Variants in ANKS1B observed in about 807,000 individuals in gnomAD.
ANKS1B encodes ankyrin repeat and sterile alpha motif domain containing 1B, also known as ankyrin repeat and sterile alpha motif domain-containing protein 1B.
Under a neutral mutation model 148.3 loss-of-function variants are expected in ANKS1B, and 36 were observed. The ratio of observed to expected loss-of-function variants is 0.24; its 90% CI spans 0.19 to 0.32. ANKS1B has a LOEUF of 0.32. Ranked by LOEUF, ANKS1B falls within the 10% of genes least tolerant of loss-of-function variation. The probability of loss-of-function intolerance (pLI) is 1.00; values close to 1 mark genes in which losing one functional copy is unlikely to be tolerated. For missense variants in ANKS1B, 1,157 were observed against 1,542.6 expected (o/e 0.75, Z 4.19); for synonymous variants, 542 against 560.8 (o/e 0.97, Z 0.47).
intron 11 of ANKS1B, among the ~76,000 whole-genome samples, chr12:99,408,805 C>T (rs58789369): frequency 0.086 from 12,493 of 145,496 alleles, 2,888 homozygotes; most frequent in African/African-American, 0.29. Context: ...GGAAATATCA[C>T]CTCACCCCAG....
chr12:98,796,285 A>G (rs2098948740), intron 22 of ANKS1B, among the ~76,000 whole-genome samples: 1 of 152,198 alleles, frequency 6.6e-6, no homozygotes, highest in Non-Finnish European at 1.5e-5. Flanking sequence ...AACAGAAAAC[A>G]TCTTTTTTTC....
chr12:99,123,013 T>TATATATATATATATATATATATATATAA lies in ANKS1B; in HGVS notation c.2526+31275_2526+31276insTTATATATATATATATATATATATATAT, dbSNP rs1406812994. 8.9e-5 allele frequency among the ~76,000 whole-genome samples: 13 copies of TATATATATATATATATATATATATATAA among 145,682 alleles called. 1 individual carries two copies. Among genetic ancestry groups the TATATATATATATATATATATATATATAA allele is most frequent in the African/African-American group, 2.8e-4 (11 of 39,428 alleles). Reference sequence around the variant, plus strand: ...TAAAAAAAAAATATATATATATATATAAACATGTATATAAACCAACAAAAC... The same window carrying TATATATATATATATATATATATATATAA: ...TAAAAAAAAAATATATATATATATATATATATATATATATATATATATATATAAAAACATGTATATAAACCAACAAAAC... On this transcript the variant is annotated intron_variant, in intron 15 of 26. Transcript: ENST00000683438.
intron 1 of ANKS1B, among the ~76,000 whole-genome samples, chr12:99,912,780 T>TAAC (rs2153788575): frequency 6.6e-6 from 1 of 152,304 alleles, no homozygotes; most frequent in East Asian, 1.9e-4. Flanking sequence ...TATCTATACC[T>TAAC]AATGTCTCTG....
intron 14 of ANKS1B, among the ~76,000 whole-genome samples, chr12:99,187,518 G>A (rs1318406546): frequency 1.3e-5 from 2 of 152,202 alleles, no homozygotes; most frequent in African/African-American, 4.8e-5. Context: ...CAAGCCAGGA[G>A]AGAGTAGGGG....
intron 8 of ANKS1B, among the ~76,000 whole-genome samples, chr12:99,694,514 T>C (rs181536943): frequency 1.3e-4 from 20 of 151,808 alleles, no homozygotes; most frequent in Admixed American, 2.6e-4. Flanking sequence ...TATTTCTATA[T>C]GGAGTTTCAA....
At chr12:99,619,068 G>T (rs2153367985) in intron 9 of ANKS1B, among the ~76,000 whole-genome samples, 1 of 152,208 alleles carries the variant, frequency 6.6e-6, no homozygotes, top group Non-Finnish European at 1.5e-5. Context: ...GTGTGCCATT[G>T]TTGGGTGCTC....
At chr12:99,673,232 T>TA (rs1216123175) in intron 8 of ANKS1B, among the ~76,000 whole-genome samples, 1 of 151,936 alleles carries the variant, frequency 6.6e-6, no homozygotes, top group African/African-American at 2.4e-5. Flanking sequence ...AACTGGAAAA[T>TA]AATCATATCA....
At chr12:99,793,981 T>G (rs2065948152) in intron 4 of ANKS1B, among the ~76,000 whole-genome samples, 1 of 151,896 alleles carries the variant, frequency 6.6e-6, no homozygotes, top group Non-Finnish European at 1.5e-5. Flanking sequence ...CAGGAAAACA[T>G]CTAATAATAC....
intron 15 of ANKS1B, among the ~76,000 whole-genome samples, chr12:99,121,169 T>C (rs2062716785): frequency 6.6e-6 from 1 of 151,976 alleles, no homozygotes; most frequent in Non-Finnish European, 1.5e-5. Context: ...ATTATAGCTA[T>C]GCTTATAAGG....
chr12:99,121,321 A>ATGTATGTGTGTGTG (rs2062792066), intron 15 of ANKS1B, among the ~76,000 whole-genome samples: 1 of 142,754 alleles, frequency 7.0e-6, no homozygotes, highest in African/African-American at 2.6e-5. Flanking sequence ...GTATGTAGGT[A>ATGTATGTGTGTGTG]TGTGTGTGTG....
rs191658173 is a variant in ANKS1B, at chr12:99,040,040, G to C, written c.2778+13117C>G. Among the ~76,000 whole-genome samples, 343 of 152,200 alleles carry C rather than the reference G, an allele frequency of 2.3e-3. 1 individual carries two copies. Among genetic ancestry groups the C allele is most frequent in the African/African-American group, 7.8e-3 (323 of 41,534 alleles). On this transcript the variant is annotated intron_variant, in intron 17 of 26. Coordinates refer to ENST00000683438, the MANE Select transcript of ANKS1B (RefSeq NM_001352186.2). ...TGGGAGTATCTGTTTCTCTATTTTT[G>C]GGGGGACTGCGGGAAAAAGGATGCC...
At chr12:99,302,355 T>G (rs560619511) in intron 12 of ANKS1B, among the ~76,000 whole-genome samples, 20 of 152,278 alleles carry the variant, frequency 1.3e-4, no homozygotes, top group African/African-American at 4.6e-4. Flanking sequence ...ACACATGCAT[T>G]ACACAAAAGA....
At chr12:99,529,878 G>A (rs1026991099) in intron 9 of ANKS1B, among the ~76,000 whole-genome samples, 7 of 151,524 alleles carry the variant, frequency 4.6e-5, no homozygotes, top group African/African-American at 1.5e-4. Flanking sequence ...CATTTTTTTC[G>A]AAGTAAAAAT....
intron 8 of ANKS1B, among the ~76,000 whole-genome samples, chr12:99,686,486 C>A (rs1374514390): frequency 1.3e-5 from 2 of 152,208 alleles, no homozygotes; most frequent in Admixed American, 1.3e-4. Flanking sequence ...TGAACCTCTT[C>A]TGGTTCTGAG....
At chr12:99,686,221 C>T (rs1489422704) in intron 8 of ANKS1B, among the ~76,000 whole-genome samples, 1 of 152,090 alleles carries the variant, frequency 6.6e-6, no homozygotes, top group Non-Finnish European at 1.5e-5. Context: ...GAACCATAAC[C>T]TAATTTGGTA....
chr12:98,749,491 A>C (rs893986368), intron 26 of ANKS1B, among the ~76,000 whole-genome samples: 2 of 152,218 alleles, frequency 1.3e-5, no homozygotes, highest in Non-Finnish European at 2.9e-5. Flanking sequence ...CAGAATTAAA[A>C]GCAGATGACA....
intron 9 of ANKS1B, among the ~76,000 whole-genome samples, chr12:99,511,893 A>G (rs2096769883): frequency 3.3e-5 from 5 of 152,088 alleles, no homozygotes; most frequent in Admixed American, 3.3e-4. Flanking sequence ...CCTTCCCTAC[A>G]CCTTATACAA....
intron 11 of ANKS1B, among the ~76,000 whole-genome samples, chr12:99,433,066 TTTTTCAAAGGTCTAGGCCAGAGATG>T (rs2095404430): frequency 6.6e-6 from 1 of 152,124 alleles, no homozygotes; most frequent in African/African-American, 2.4e-5. Flanking sequence ...GATATGAAGC[TTTTTCAAAGGTCTAGGCCAGAGATG>T]TTAGTGGCTC....
At chr12:99,614,948 T>C (rs1168133990) in intron 9 of ANKS1B, among the ~76,000 whole-genome samples, 1 of 150,892 alleles carries the variant, frequency 6.6e-6, no homozygotes, top group Non-Finnish European at 1.5e-5. Flanking sequence ...GAAATGAATC[T>C]CAAGAAATCT....
Sources: allele counts gnomAD v4.1 joint callset (sites outside exome capture counted in the v4.1 genomes callset), GRCh38; gene constraint gnomAD v4.1.1; transcripts MANE v1.5; gene names NCBI Gene and HGNC (gene_info 2026-07-23, HGNC 2026-07-21).